The following ROBO1 variants were observed in gnomAD, a reference collection of about 807,000 sequenced individuals.
ROBO1 encodes the protein roundabout guidance receptor 1.
A neutral mutation model predicts 195.9 loss-of-function variants in ROBO1; 149 were observed. The observed-to-expected ratio is 0.76, with a 90% CI of 0.67 to 0.87. The LOEUF (loss-of-function observed/expected upper bound fraction) is 0.87, where lower values mean the gene tolerates loss of function less well. Among genes scored for constraint, ROBO1 ranks in the 40% least tolerant of loss-of-function variants. The pLI is 0.00. For synonymous variants in ROBO1, 816 were observed against 733.2 expected, an observed-to-expected ratio of 1.11 and a Z score of -1.82; for missense variants, 1,933 against 2,068.3, an observed-to-expected ratio of 0.93 and a Z score of 1.27.
intron 3 of ROBO1, among the ~76,000 whole-genome samples, chr3:79,080,008 G>A (rs777042864): frequency 6.6e-6 from 1 of 151,586 alleles, no homozygotes; most frequent in Non-Finnish European, 1.5e-5. Flanking sequence ...AATGGCATAT[G>A]TTCTTGTTTC....
At chr3:79,343,664 C>A (rs2109234594) in intron 2 of ROBO1, among the ~76,000 whole-genome samples, 1 of 152,190 alleles carries the variant, frequency 6.6e-6, no homozygotes. Flanking sequence ...TACAGGCTAT[C>A]ACTTTATACA....
intron 4 of ROBO1, among the ~76,000 whole-genome samples, chr3:78,857,526 T>G (rs1295381362): frequency 6.6e-6 from 1 of 152,142 alleles, no homozygotes; most frequent in Non-Finnish European, 1.5e-5. Flanking sequence ...AAAACAGACT[T>G]AAAGAAGTTA....
chr3:78,915,809 T>C (rs2107562779), intron 4 of ROBO1, among the ~76,000 whole-genome samples: 1 of 152,126 alleles, frequency 6.6e-6, no homozygotes, highest in South Asian at 2.1e-4. Context: ...GTGTGCGTCA[T>C]CATGCCTGGC....
chr3:79,699,622 T>C (rs1273226911), intron 1 of ROBO1, among the ~76,000 whole-genome samples: 1 of 151,590 alleles, frequency 6.6e-6, no homozygotes, highest in Non-Finnish European at 1.5e-5. Context: ...AAGTCTTGGA[T>C]AGGAGCTGCT....
At chr3:78,711,939 C>A (rs759271632) in intron 8 of ROBO1, among the ~76,000 whole-genome samples, 28 of 142,212 alleles carry the variant, frequency 2.0e-4, no homozygotes, top group Non-Finnish European at 9.1e-5. Context: ...CCACGGAAAC[C>A]CCTAGAGTCA....
chr3:79,040,196 G>C (rs1198302625), intron 3 of ROBO1, among the ~76,000 whole-genome samples: 1 of 152,168 alleles, frequency 6.6e-6, no homozygotes, highest in Non-Finnish European at 1.5e-5. Flanking sequence ...AAGAGATAAA[G>C]ATTCGCCTCA....
intron 3 of ROBO1, among the ~76,000 whole-genome samples, chr3:79,096,822 A>G (rs1031739386): frequency 4.0e-5 from 6 of 151,356 alleles, no homozygotes; most frequent in Non-Finnish European, 7.4e-5. Flanking sequence ...GGAGTAAGAA[A>G]GGAGCATCTT....
At chr3:79,723,166 G>A (rs1321350565) in intron 1 of ROBO1, among the ~76,000 whole-genome samples, 1 of 152,054 alleles carries the variant, frequency 6.6e-6, no homozygotes, top group Non-Finnish European at 1.5e-5. Flanking sequence ...TGACAATGTT[G>A]GATCGTACAA....
In ROBO1 at chr3:78,638,382, A is replaced by G. The variant is rs539312392; in HGVS notation, c.3037+1362T>C. ...TATCGTGTCCTCAGGATTTGCTACT[A>G]TACCATAAAATCTGATTTTAAATTT... is the stretch of plus-strand genomic sequence containing the variant. On this transcript the variant is annotated intron_variant, in intron 22 of 30. Transcript: ENST00000464233. Among the ~76,000 whole-genome samples, 4 of 151,580 alleles carry G rather than the reference A, an allele frequency of 2.6e-5. No individual in the cohort carries two copies. In the South Asian group the frequency reaches 8.3e-4, roughly 32 times the overall value.
intron 4 of ROBO1, among the ~76,000 whole-genome samples, chr3:78,805,354 A>C (rs2084503656): frequency 6.6e-6 from 1 of 152,166 alleles, no homozygotes; most frequent in Non-Finnish European, 1.5e-5. Context: ...TTAATGATAC[A>C]AACCACATGA....
intron 2 of ROBO1, among the ~76,000 whole-genome samples, chr3:79,394,877 T>C (rs6784825): frequency 0.34 from 52,133 of 152,034 alleles, 10,103 homozygotes; most frequent in Admixed American, 0.48. Context: ...TGTTTTGATA[T>C]ACAAATTCTA....
intron 18 of ROBO1, among the ~76,000 whole-genome samples, chr3:78,656,650 C>T (rs1707046011): frequency 6.6e-6 from 1 of 152,092 alleles, no homozygotes; most frequent in African/African-American, 2.4e-5. Flanking sequence ...CGCACCTGGC[C>T]TATTTGTTTG....
chr3:78,711,355 C>CT (rs1559772826), intron 8 of ROBO1, among the ~76,000 whole-genome samples: 5 of 35,646 alleles, frequency 1.4e-4, no homozygotes, highest in African/African-American at 8.7e-4. Flanking sequence ...TTCCTCCTTC[C>CT]TTCCTTCCTT....
intron 2 of ROBO1, among the ~76,000 whole-genome samples, chr3:79,222,135 T>A (rs542898661): frequency 1.3e-5 from 2 of 152,098 alleles, no homozygotes; most frequent in Non-Finnish European, 2.9e-5. Flanking sequence ...TGTGATACCA[T>A]CTTCTCTTCT....
chr3:79,699,337 A>AT (rs1204970273), intron 1 of ROBO1, among the ~76,000 whole-genome samples: 1 of 151,538 alleles, frequency 6.6e-6, no homozygotes, highest in Non-Finnish European at 1.5e-5. Flanking sequence ...CGCCCCCTAC[A>AT]TGGCAACAGA....
At chr3:79,367,024 C>T (rs936470983) in intron 2 of ROBO1, among the ~76,000 whole-genome samples, 2 of 152,162 alleles carry the variant, frequency 1.3e-5, no homozygotes, top group African/African-American at 4.8e-5. Context: ...AGTTTAAAAT[C>T]TGCCCATCAT....
chr3:78,941,295 A>G (rs2107701691), intron 3 of ROBO1, among the ~76,000 whole-genome samples: 1 of 152,308 alleles, frequency 6.6e-6, no homozygotes, highest in Non-Finnish European at 1.5e-5. Context: ...AAAAGAAAAA[A>G]ATTACTTGGA....
intron 2 of ROBO1, among the ~76,000 whole-genome samples, chr3:79,198,658 T>C (rs1415729869): frequency 6.6e-6 from 1 of 152,146 alleles, no homozygotes; most frequent in East Asian, 1.9e-4. Context: ...TATTGATTCT[T>C]CCTATCCATG....
intron 4 of ROBO1, among the ~76,000 whole-genome samples, chr3:78,903,914 G>T (rs1019018193): frequency 3.3e-5 from 5 of 151,848 alleles, no homozygotes; most frequent in Middle Eastern, 3.2e-3. Context: ...TAAGTGATTG[G>T]GGTAAGTTAA....
Sources: allele counts gnomAD v4.1 joint callset (sites outside exome capture counted in the v4.1 genomes callset), GRCh38; gene constraint gnomAD v4.1.1; transcripts MANE v1.5; gene names NCBI Gene and HGNC (gene_info 2026-07-23, HGNC 2026-07-21).